Variants in AREL1 observed in about 807,000 individuals in gnomAD.
The protein encoded by AREL1 is apoptosis resistant E3 ubiquitin protein ligase 1, also known as apoptosis-resistant E3 ubiquitin protein ligase 1.
A neutral mutation model predicts 99.0 loss-of-function variants in AREL1; 62 were observed. The observed-to-expected ratio is 0.63, with a 90% confidence interval of 0.51 to 0.77. The LOEUF (loss-of-function observed/expected upper bound fraction) is 0.77, where lower values mean the gene tolerates loss of function less well. Ranked by LOEUF, AREL1 falls within the 30% of genes least tolerant of loss-of-function variation. The pLI, the probability that AREL1 is intolerant of heterozygous loss-of-function variation, is 0.00. For synonymous variants in AREL1, 380 were observed against 376.5 expected (o/e 1.01, Z -0.11); for missense variants, 879 against 1,027.6 (o/e 0.86, Z 1.98).
chr14:74,699,361 G>C (rs1019363211), intron 1 of AREL1, among the ~76,000 whole-genome samples: 1 of 138,368 alleles, frequency 7.2e-6, no homozygotes, highest in African/African-American at 2.8e-5. Flanking sequence ...GTGTGTGTGT[G>C]TGTGTGTGTG....
intron 5 of AREL1, among the ~76,000 whole-genome samples, chr14:74,677,729 C>T (rs190381352): frequency 2.0e-4 from 30 of 151,408 alleles, no homozygotes; most frequent in African/African-American, 6.1e-4. Context: ...TCTCAAACTC[C>T]CCACCTTGTA....
At chr14:74,684,770 A>G (rs1005455453) in intron 3 of AREL1, 90 bp from the exon 4 acceptor site, 1 of 1,199,156 alleles carries the variant, frequency 8.3e-7, no homozygotes, top group African/African-American at 1.5e-5. Context: ...TCAAAAATTA[A>G]AGGAGGTCAG....
At position 74,670,057 on chromosome 14, in the gene AREL1, C is replaced by G. The variant is rs773838767; in HGVS notation, c.1678G>C (p.Gly560Arg). Residue 560 changes from glycine to arginine, a missense_variant, in exon 14 of 20, where the codon GGC (glycine) becomes CGC (arginine). Physicochemically the swap from Gly to Arg is moderately radical, Grantham distance 125. Coordinates refer to ENST00000356357, the MANE Select transcript of AREL1 (RefSeq NM_001039479.2). ...AGAGAGGACTCATAGAGACACTTGC[C>G]CACGAGCCGTCCCGCAAACTCATAC... ...KMYEFAGRLV[G>R]KCLYESSLGG... 1.9e-6 allele frequency: 3 copies of G among 1,613,910 alleles called. No homozygotes were observed. Among genetic ancestry groups the G allele is most frequent in the East Asian group, 4.5e-5 (2 of 44,878 alleles).
intron 2 of AREL1, among the ~76,000 whole-genome samples, chr14:74,691,723 C>A (rs367709243): frequency 6.6e-6 from 1 of 152,202 alleles, no homozygotes; most frequent in East Asian, 1.9e-4. Context: ...TTCAAAATAT[C>A]TGTCTCAAGG....
intron 8 of AREL1, among the ~76,000 whole-genome samples, chr14:74,674,529 G>A (rs2089427952): frequency 2.0e-5 from 3 of 152,184 alleles, no homozygotes; most frequent in Admixed American, 2.0e-4. Flanking sequence ...TTGAACCCGG[G>A]AGGCAGAGGG....
At chr14:74,698,742 G>T in intron 1 of AREL1, 1 of 179,672 alleles carries the variant, frequency 5.6e-6, no homozygotes, top group Admixed American at 5.7e-5. Flanking sequence ...TGAGTAAGCA[G>T]GCTGAGCATG....
intron 5 of AREL1, among the ~76,000 whole-genome samples, chr14:74,679,699 A>T (rs2089584122): frequency 6.6e-6 from 1 of 152,004 alleles, no homozygotes; most frequent in South Asian, 2.1e-4. Context: ...ATGATAGCAG[A>T]TGCCTGTAAT....
chr14:74,707,211 T>C (rs1375868856), intron 1 of AREL1, among the ~76,000 whole-genome samples: 2 of 150,600 alleles, frequency 1.3e-5, no homozygotes, highest in Non-Finnish European at 1.5e-5. Context: ...CTACTAAAAA[T>C]ACAAAAATTA....
intron 5 of AREL1, 76 bp from the exon 6 acceptor site, chr14:74,676,828 G>A (rs1281944521): frequency 1.1e-5 from 13 of 1,201,798 alleles, no homozygotes; most frequent in East Asian, 6.0e-5. Context: ...ATGGAGTCTC[G>A]CTCTTTCGCC....
chr14:74,681,578 TCCTGG>T (rs1180134455), intron 5 of AREL1, among the ~76,000 whole-genome samples: 2 of 151,774 alleles, frequency 1.3e-5, no homozygotes, highest in African/African-American at 4.8e-5. Context: ...ATCGAGACCA[TCCTGG>T]CCAACATGGT....
intron 1 of AREL1, among the ~76,000 whole-genome samples, chr14:74,699,540 T>C (rs887530066): frequency 6.6e-6 from 1 of 152,238 alleles, no homozygotes; most frequent in Non-Finnish European, 1.5e-5. Flanking sequence ...GTAAATGTTA[T>C]AATTATCTAA....
chr14:74,666,716 T>C (rs1032886689), intron 17 of AREL1, among the ~76,000 whole-genome samples: 3 of 146,400 alleles, frequency 2.0e-5, no homozygotes, highest in African/African-American at 5.2e-5. Flanking sequence ...TACTACTCAT[T>C]GATTTTTTTT....
chr14:74,700,662 C>T (rs1042766154), intron 1 of AREL1, among the ~76,000 whole-genome samples: 6 of 152,126 alleles, frequency 3.9e-5, no homozygotes, highest in Non-Finnish European at 5.9e-5. Flanking sequence ...CGCCTGTATT[C>T]CCAGCTACTG....
chr14:74,669,970 T>C lies in AREL1; in HGVS notation c.1765A>G (p.Ile589Val), dbSNP rs767871926. 1.9e-6 allele frequency: 3 copies of C among 1,612,676 alleles called. No individual in the cohort carries two copies. The highest frequency in any genetic ancestry group is 1.7e-5 in the Admixed American group (1 of 59,788). Residue 589 changes from isoleucine (I) to valine (V), a missense_variant, in exon 14 of 20, where the codon ATA becomes GTA. Physicochemically the swap from Ile to Val is conservative, Grantham distance 29 (BLOSUM62 3). Coordinates refer to ENST00000356357, the MANE Select transcript of AREL1 (RefSeq NM_001039479.2). The part of the protein sequence containing the change: ...RFTRSFLAQI[I>V]GLRMHYKYFE... ...ACCTTGTAATGCATACGCAGTCCTA[T>C]GATTTGGGCCAGGAAAGAGCGGGTG...
chr14:74,677,851 A>T (rs1326626797), intron 5 of AREL1, among the ~76,000 whole-genome samples: 1 of 151,898 alleles, frequency 6.6e-6, no homozygotes, highest in Non-Finnish European at 1.5e-5. Flanking sequence ...ACAGAAATAG[A>T]GAAATTTAAA....
At chr14:74,712,038 C>CAAAAAAAAAAAAAGAAAAAAAAAAAAA (rs2090305437) in intron 1 of AREL1, 1 of 28,708 alleles carries the variant, frequency 3.5e-5, no homozygotes, top group African/African-American at 1.4e-4. Flanking sequence ...AGACAAAGTG[C>CAAAAAAAAAAAAAGAAAAAAAAAAAAA]AAAAAAAAAA....
intron 18 of AREL1, among the ~76,000 whole-genome samples, chr14:74,664,540 G>A (rs1280225642): frequency 4.7e-5 from 7 of 147,544 alleles, no homozygotes; most frequent in Non-Finnish European, 1.0e-4. Flanking sequence ...TCCACCTCCT[G>A]GGTTCAAGCG....
At chr14:74,671,608 T>A in intron 11 of AREL1, 125 bp from the exon 12 acceptor site, 1 of 531,388 alleles carries the variant, frequency 1.9e-6, no homozygotes, top group Non-Finnish European at 3.3e-6. Flanking sequence ...GGAGATATGT[T>A]ACTCATAAAC....
chr14:74,664,689 G>T, intron 18 of AREL1, 147 bp downstream of exon 18: 1 of 480,284 alleles, frequency 2.1e-6, no homozygotes, highest in Non-Finnish European at 3.7e-6. Flanking sequence ...CAAAACTCCT[G>T]ACTTTGTGAT....
Sources: allele counts gnomAD v4.1 joint callset (sites outside exome capture counted in the v4.1 genomes callset), GRCh38; gene constraint gnomAD v4.1.1; transcripts MANE v1.5; gene names NCBI Gene and HGNC (gene_info 2026-07-23, HGNC 2026-07-21).